The following KCNIP4 variants were observed in gnomAD, a reference collection of about 807,000 sequenced individuals.
KCNIP4 encodes the protein potassium voltage-gated channel interacting protein 4.
In KCNIP4, 12 loss-of-function variants were observed where a neutral mutation model predicts 34.0. The observed-to-expected ratio is 0.35, with a 90% confidence interval of 0.23 to 0.57. KCNIP4 has a LOEUF of 0.57. Ranked by LOEUF, KCNIP4 falls within the 20% of genes least tolerant of loss-of-function variation. KCNIP4 has a pLI of 0.83. For missense variants in KCNIP4, 238 were observed against 311.7 expected (o/e 0.76, Z 1.78); for synonymous variants, 124 against 102.2 (o/e 1.21, Z -1.29).
chr4:21,392,143 C>T (rs1397308137), intron 1 of KCNIP4, among the ~76,000 whole-genome samples: 1 of 152,174 alleles, frequency 6.6e-6, no homozygotes, highest in Non-Finnish European at 1.5e-5. Flanking sequence ...GAAGGGAACT[C>T]TGGCAATAAA....
chr4:21,619,158 C>A (rs1003997109), intron 1 of KCNIP4, among the ~76,000 whole-genome samples: 1 of 146,990 alleles, frequency 6.8e-6, no homozygotes, highest in African/African-American at 2.4e-5. Context: ...CCTCCGACTT[C>A]CCTCCTTAAG....
At chr4:20,877,119 C>T (rs762270841) in intron 2 of KCNIP4, among the ~76,000 whole-genome samples, 7 of 152,132 alleles carry the variant, frequency 4.6e-5, no homozygotes, top group East Asian at 1.9e-4. Flanking sequence ...GGTTTGGCCA[C>T]GGGTGAAGAG....
At chr4:21,740,039 T>C (rs1364493264) in intron 1 of KCNIP4, among the ~76,000 whole-genome samples, 1 of 152,092 alleles carries the variant, frequency 6.6e-6, no homozygotes, top group Non-Finnish European at 1.5e-5. Context: ...TGATGCTGCA[T>C]ATACTTGAGT....
intron 1 of KCNIP4, among the ~76,000 whole-genome samples, chr4:21,110,803 C>T (rs1577710771): frequency 1.3e-5 from 2 of 152,296 alleles, no homozygotes; most frequent in East Asian, 3.9e-4. Context: ...GATCATGACG[C>T]AGGCCCTTAC....
intron 1 of KCNIP4, among the ~76,000 whole-genome samples, chr4:21,443,754 G>A (rs1437506502): frequency 6.6e-6 from 1 of 152,002 alleles, no homozygotes; most frequent in East Asian, 1.9e-4. Flanking sequence ...GCAACATAGT[G>A]AGACTCCATC....
chr4:21,408,820 T>C (rs145212456), intron 1 of KCNIP4, among the ~76,000 whole-genome samples: 37 of 152,314 alleles, frequency 2.4e-4, no homozygotes, highest in African/African-American at 8.2e-4. Flanking sequence ...TGATCAGATA[T>C]AGTGTTGACA....
At chr4:21,620,477 G>A (rs1744928326) in intron 1 of KCNIP4, among the ~76,000 whole-genome samples, 1 of 152,034 alleles carries the variant, frequency 6.6e-6, no homozygotes, top group Non-Finnish European at 1.5e-5. Context: ...GGGTAATAGA[G>A]CAAGATGCCT....
chr4:21,832,347 A>G (rs1316172726), intron 1 of KCNIP4, among the ~76,000 whole-genome samples: 2 of 152,070 alleles, frequency 1.3e-5, no homozygotes, highest in Admixed American at 1.3e-4. Context: ...CTTCTATTCT[A>G]TTTTTATAAG....
chr4:21,449,416 C>T (rs1382645623), intron 1 of KCNIP4, among the ~76,000 whole-genome samples: 2 of 151,982 alleles, frequency 1.3e-5, no homozygotes, highest in Non-Finnish European at 2.9e-5. Context: ...CTCACCCATA[C>T]CTAATTTCGA....
Position 21,189,401 on chromosome 4 carries a change from T to A in KCNIP4, c.62-306692A>T, listed in dbSNP as rs16870567. On this transcript the variant is annotated intron_variant, in intron 1 of 8. Coordinates refer to ENST00000382152, the MANE Select transcript of KCNIP4 (RefSeq NM_025221.6). ...TATGTCATCAAATGTCAATGTAATA[T>A]TAAAGGCATTTGTATCTCTGTTTAA... Among the ~76,000 whole-genome samples the A allele has an allele frequency of 5.0e-3, 767 of 152,340 alleles. 3 individuals are homozygous for A. Among genetic ancestry groups the A allele is most frequent in the African/African-American group, 0.016 (667 of 41,562 alleles).
At chr4:21,519,390 A>G (rs1378435445) in intron 1 of KCNIP4, among the ~76,000 whole-genome samples, 1 of 151,572 alleles carries the variant, frequency 6.6e-6, no homozygotes, top group Non-Finnish European at 1.5e-5. Context: ...GTATGTGTAT[A>G]TATACATATG....
intron 1 of KCNIP4, among the ~76,000 whole-genome samples, chr4:21,712,409 G>C (rs1315948511): frequency 6.6e-6 from 1 of 152,144 alleles, no homozygotes; most frequent in Non-Finnish European, 1.5e-5. Flanking sequence ...GGGGGGCGAG[G>C]AACCTCCTTC....
At chr4:21,817,038 T>G (rs1360534234) in intron 1 of KCNIP4, among the ~76,000 whole-genome samples, 1 of 152,194 alleles carries the variant, frequency 6.6e-6, no homozygotes, top group Non-Finnish European at 1.5e-5. Context: ...GCTATTATTT[T>G]CATGTCACTA....
intron 1 of KCNIP4, among the ~76,000 whole-genome samples, chr4:20,913,865 A>G (rs1178540439): frequency 1.3e-5 from 2 of 152,230 alleles, no homozygotes; most frequent in African/African-American, 2.4e-5. Flanking sequence ...TTGAAACAGT[A>G]CCAGGCATGG....
chr4:21,145,665 C>T (rs1451446107), intron 1 of KCNIP4, among the ~76,000 whole-genome samples: 1 of 152,154 alleles, frequency 6.6e-6, no homozygotes, highest in African/African-American at 2.4e-5. Context: ...AAGACTGAAA[C>T]AGAAGCAACT....
intron 1 of KCNIP4, among the ~76,000 whole-genome samples, chr4:21,103,745 A>G (rs55809385): frequency 0.58 from 51,767 of 89,312 alleles, 11,834 homozygotes; most frequent in African/African-American, 0.66. Context: ...TCCCCCCACC[A>G]CACAACAGGC....
intron 1 of KCNIP4, among the ~76,000 whole-genome samples, chr4:21,310,762 G>C (rs2109272084): frequency 6.6e-6 from 1 of 152,166 alleles, no homozygotes; most frequent in Admixed American, 6.5e-5. Flanking sequence ...CTCCCGAGTA[G>C]CTGGGACTAC....
At chr4:21,338,427 A>G (rs1337917607) in intron 1 of KCNIP4, among the ~76,000 whole-genome samples, 1 of 151,494 alleles carries the variant, frequency 6.6e-6, no homozygotes, top group African/African-American at 2.4e-5. Context: ...GCTATCCTAA[A>G]GAAAATCAGG....
chr4:21,478,347 A>C (rs1731160107), intron 1 of KCNIP4, among the ~76,000 whole-genome samples: 1 of 152,106 alleles, frequency 6.6e-6, no homozygotes, highest in African/African-American at 2.4e-5. Context: ...TTGAAATCTA[A>C]AAATTTTCCT....
Sources: allele counts gnomAD v4.1 joint callset (sites outside exome capture counted in the v4.1 genomes callset), GRCh38; gene constraint gnomAD v4.1.1; transcripts MANE v1.5; gene names NCBI Gene and HGNC (gene_info 2026-07-23, HGNC 2026-07-21).